Variants in NFATC2 observed in about 807,000 individuals in gnomAD.
The protein encoded by NFATC2 is nuclear factor of activated T-cells, cytoplasmic 2.
NFATC2 carries 22 observed loss-of-function variants against 87.3 expected under a neutral mutation model. The ratio of observed to expected loss-of-function variants is 0.25; its 90% confidence interval spans 0.18 to 0.36. The LOEUF is 0.36. Among genes scored for constraint, NFATC2 ranks in the 10% least tolerant of loss-of-function variants. The pLI is 1.00. For missense variants in NFATC2, 1,149 were observed against 1,259.1 expected (o/e 0.91, Z 1.32); for synonymous variants, 565 against 542.2 (o/e 1.04, Z -0.58).
At chr20:51,426,454 G>A (rs955407763) in intron 9 of NFATC2, among the ~76,000 whole-genome samples, 6 of 151,122 alleles carry the variant, frequency 4.0e-5, no homozygotes, top group African/African-American at 1.5e-4. Context: ...CTCCAGCCTG[G>A]GCAACAGAGC....
intron 3 of NFATC2, among the ~76,000 whole-genome samples, chr20:51,492,806 G>A (rs1012935398): frequency 6.6e-6 from 1 of 152,242 alleles, no homozygotes; most frequent in Non-Finnish European, 1.5e-5. Flanking sequence ...GCCCCTTATC[G>A]CAGTTTTCCT....
At chr20:51,415,300 C>T (rs1979892106) in intron 9 of NFATC2, among the ~76,000 whole-genome samples, 1 of 151,782 alleles carries the variant, frequency 6.6e-6, no homozygotes, top group Non-Finnish European at 1.5e-5. Flanking sequence ...CTCCCTTCTA[C>T]TCTTGCTCAG....
At chr20:51,435,518 C>G (rs1438739870) in intron 7 of NFATC2, among the ~76,000 whole-genome samples, 188 bp downstream of exon 7, 1 of 152,184 alleles carries the variant, frequency 6.6e-6, no homozygotes, top group Non-Finnish European at 1.5e-5. Flanking sequence ...TAAGGTGTCA[C>G]AGTTGCAAAT....
Position 51,432,320 on chromosome 20 carries a change from T to C in NFATC2, c.2469A>G (p.Gly823=). The part of the protein sequence containing the change: ...YSPTNQQLRC[G]SHQEFQHIMY... ...TGATGTGCTGGAACTCCTGGTGGCTTCCGCAGCGCAGCTGCTGGTTGGTGG... is the reference window on the plus strand; with the variant it reads ...TGATGTGCTGGAACTCCTGGTGGCTCCCGCAGCGCAGCTGCTGGTTGGTGG... Residue 823 remains glycine (G), a synonymous_variant, in exon 9 of 11, where the codon GGA becomes GGG. Coordinates refer to ENST00000371564, the MANE Select transcript of NFATC2 (RefSeq NM_012340.5). This position sits in a 1 kb window ranked among gnomAD's most constrained non-coding sequence, Gnocchi z 4.6. 6.2e-7 allele frequency: 1 copy of C among 1,614,204 alleles called. No homozygotes were observed. Among genetic ancestry groups the C allele is most frequent in the Non-Finnish European group, 8.5e-7 (1 of 1,180,036 alleles).
intron 1 of NFATC2, among the ~76,000 whole-genome samples, chr20:51,559,464 T>G (rs2082179333): frequency 6.6e-6 from 1 of 152,170 alleles, no homozygotes; most frequent in Non-Finnish European, 1.5e-5. Context: ...TATGATGATG[T>G]TATTGAGTTT....
At chr20:51,462,943 C>T (rs575857353) in intron 5 of NFATC2, among the ~76,000 whole-genome samples, 3 of 152,322 alleles carry the variant, frequency 2.0e-5, no homozygotes, top group South Asian at 2.1e-4. Flanking sequence ...CGGAGGACTT[C>T]GTGGGAAAGA....
chr20:51,513,465 C>T (rs191374052), intron 3 of NFATC2, among the ~76,000 whole-genome samples: 28 of 152,326 alleles, frequency 1.8e-4, no homozygotes, highest in Admixed American at 1.8e-3. Flanking sequence ...GGTGACAAAG[C>T]AAGATCCTAT....
At chr20:51,558,490 G>A (rs1442290577) in intron 1 of NFATC2, among the ~76,000 whole-genome samples, 1 of 151,908 alleles carries the variant, frequency 6.6e-6, no homozygotes, top group African/African-American at 2.4e-5. Context: ...TTTTTGGGGG[G>A]GGGCGAGGTA....
At chr20:51,447,763 T>C (rs772623441) in intron 6 of NFATC2, among the ~76,000 whole-genome samples, 2 of 152,220 alleles carry the variant, frequency 1.3e-5, no homozygotes, top group Non-Finnish European at 2.9e-5. Flanking sequence ...AACATCCAAA[T>C]GGCTTTTCAG....
Position 51,523,902 on chromosome 20 carries a change from G to C in NFATC2, c.339C>G (p.Ile113Met), listed in dbSNP as rs767867899. 6.2e-7 allele frequency: 1 copy of C among 1,606,616 alleles called. No individual in the cohort carries two copies. The change falls in exon 2 of 11, where the codon ATC becomes ATG. Residue 113 changes from isoleucine (I) to methionine (M), a missense_variant. Physicochemically the swap from Ile to Met is conservative, Grantham distance 10. Coordinates refer to ENST00000371564, the MANE Select transcript of NFATC2 (RefSeq NM_012340.5). This position sits in a 1 kb window ranked among gnomAD's most constrained non-coding sequence, Gnocchi z 6.9. ...PAGASGLSPR[I>M]EITPSHELIQ... Reference sequence around the variant, plus strand: ...TCAGTTCGTGGGACGGAGTGATCTCGATCCGAGGGCTCAGGCCCGAGGCCC... The same window carrying C: ...TCAGTTCGTGGGACGGAGTGATCTCCATCCGAGGGCTCAGGCCCGAGGCCC...
In NFATC2 at chr20:51,558,730, C is replaced by T. The variant is rs143874194; in HGVS notation, c.70+3830G>A. Among the ~76,000 whole-genome samples, 749 of 152,256 alleles carry T rather than the reference C, an allele frequency of 4.9e-3. 1 individual carries two copies. The highest frequency in any genetic ancestry group is 0.017 in the African/African-American group (692 of 41,530). On this transcript the variant is annotated intron_variant, in intron 1 of 10. Coordinates refer to the NFATC2 transcript ENST00000414705. ...CAGAGAAGTGTCTAGGGGCCCTGCT[C>T]CTATGGTTCTGATTGGTTTGTATCT...
chr20:51,540,255 C>T (rs965998742), intron 1 of NFATC2, among the ~76,000 whole-genome samples: 5 of 152,118 alleles, frequency 3.3e-5, no homozygotes, highest in East Asian at 3.9e-4. Context: ...TCAGGTGATC[C>T]GCCCGCCTCA....
chr20:51,404,800 A>G (rs1379408352), intron 9 of NFATC2, among the ~76,000 whole-genome samples: 1 of 152,216 alleles, frequency 6.6e-6, no homozygotes, highest in Non-Finnish European at 1.5e-5. Flanking sequence ...TAGTGTGCGC[A>G]GACAGCTTTG....
intron 10 of NFATC2, among the ~76,000 whole-genome samples, chr20:51,397,480 A>G (rs866267235): frequency 9.9e-5 from 15 of 152,176 alleles, no homozygotes; most frequent in African/African-American, 3.4e-4. Flanking sequence ...TGGCTTGCCA[A>G]AGTCCCCAAG....
At chr20:51,509,965 C>T (rs920493533) in intron 3 of NFATC2, among the ~76,000 whole-genome samples, 1 of 152,206 alleles carries the variant, frequency 6.6e-6, no homozygotes, top group South Asian at 2.1e-4. Flanking sequence ...AAATGGCCAT[C>T]GGGTTTCCGC....
intron 9 of NFATC2, among the ~76,000 whole-genome samples, chr20:51,406,907 T>C (rs528827321): frequency 3.9e-5 from 6 of 152,332 alleles, no homozygotes; most frequent in African/African-American, 1.4e-4. Context: ...GAATTCCATC[T>C]TGATTGACTC....
intron 1 of NFATC2, among the ~76,000 whole-genome samples, chr20:51,534,742 C>T (rs1600978005): frequency 6.6e-6 from 1 of 152,226 alleles, no homozygotes; most frequent in Non-Finnish European, 1.5e-5. Context: ...ATTTCAAGTC[C>T]CCCAGAGGGT....
At chr20:51,526,979 G>T (rs1271408787) in intron 1 of NFATC2, among the ~76,000 whole-genome samples, 1 of 151,970 alleles carries the variant, frequency 6.6e-6, no homozygotes, top group African/African-American at 2.4e-5. Flanking sequence ...GCTCACTGCA[G>T]CCTCCACCTC....
chr20:51,454,539 T>A lies in NFATC2; in HGVS notation c.1849+9A>T, dbSNP rs750679963. ...GGGGGACAGAGAAAGAGCTCAAAAATCCACTGACCTGTGGTCTTCTCAGTA... is the reference window on the plus strand; with the variant it reads ...GGGGGACAGAGAAAGAGCTCAAAAAACCACTGACCTGTGGTCTTCTCAGTA... On this transcript the variant is annotated intron_variant, in intron 6 of 10. Transcript: ENST00000371564. 1.2e-6 allele frequency: 2 copies of A among 1,613,504 alleles called. No homozygotes were observed. Among genetic ancestry groups the A allele is most frequent in the Admixed American group, 3.3e-5 (2 of 59,934 alleles).
Sources: allele counts gnomAD v4.1 joint callset (sites outside exome capture counted in the v4.1 genomes callset), GRCh38; gene constraint gnomAD v4.1.1; non-coding constraint Gnocchi (gnomAD v3.1); transcripts MANE v1.5; gene names NCBI Gene and HGNC (gene_info 2026-07-23, HGNC 2026-07-21).